PDILT: variants seen among roughly 807,000 people sequenced by gnomAD.
The protein encoded by PDILT is protein disulfide isomerase like, testis expressed, also known as protein disulfide-isomerase-like protein of the testis.
PDILT carries 43 observed loss-of-function variants against 53.7 expected under a neutral mutation model. The observed-to-expected ratio is 0.80, with a 90% CI of 0.63 to 1.03. The LOEUF is 1.03. Ranked by LOEUF, PDILT falls within the 50% of genes least tolerant of loss-of-function variation. PDILT has a pLI of 0.00. For missense variants in PDILT, 727 were observed against 712.3 expected, an observed-to-expected ratio of 1.02 and a Z score of -0.24; for synonymous variants, 282 against 274.2, an observed-to-expected ratio of 1.03 and a Z score of -0.28.
chr16:20,385,276 GTATTAT>G (rs1019702922), intron 2 of PDILT, among the ~76,000 whole-genome samples: 2 of 152,118 alleles, frequency 1.3e-5, no homozygotes, highest in Non-Finnish European at 2.9e-5. Flanking sequence ...TGTGGGATAG[GTATTAT>G]TATTATCTCA....
At position 20,362,547 on chromosome 16, in the gene PDILT, G is replaced by A. The variant is rs1226249606; in HGVS notation, c.1273C>T (p.Pro425Ser). 6.2e-7 allele frequency: 1 copy of A among 1,614,072 alleles called. No homozygotes were observed. The highest frequency in any genetic ancestry group is 1.7e-5 in the Admixed American group (1 of 59,994). Reference sequence around the variant, plus strand: ...TTTCTGCCCAATTCCTCCAACAGTGGGAACAGCATCTTGCACTTTTTAGAC... The same window carrying A: ...TTTCTGCCCAATTCCTCCAACAGTGAGAACAGCATCTTGCACTTTTTAGAC... ...PWSKKCKMLF[P>S]LLEELGRKYQ... Residue 425 changes from proline to serine, a missense_variant, in exon 10 of 12, where the codon CCA (proline) becomes TCA (serine). Physicochemically the swap from Pro to Ser is moderately conservative, Grantham distance 74. Transcript: ENST00000302451.
intron 3 of PDILT, among the ~76,000 whole-genome samples, chr16:20,380,816 G>T (rs1966451408): frequency 6.6e-6 from 1 of 152,240 alleles, no homozygotes; most frequent in Non-Finnish European, 1.5e-5. Flanking sequence ...AAGCTGGCTT[G>T]AGGAAACTTG....
At chr16:20,380,829 C>G (rs1233058633) in intron 3 of PDILT, among the ~76,000 whole-genome samples, 1 of 152,208 alleles carries the variant, frequency 6.6e-6, no homozygotes, top group Non-Finnish European at 1.5e-5. Context: ...GAAACTTGAT[C>G]TTGGGCCATC....
At chr16:20,375,074 G>A (rs1193828209) in intron 4 of PDILT, 115 bp from the exon 5 acceptor site, 10 of 1,204,850 alleles carry the variant, frequency 8.3e-6, no homozygotes, top group Non-Finnish European at 1.0e-5. Flanking sequence ...AAGTTCTGGG[G>A]TTTGCCTGGG....
chr16:20,384,887 T>A, intron 2 of PDILT, 36 bp from the exon 3 acceptor site: 1 of 1,588,210 alleles, frequency 6.3e-7, no homozygotes. Flanking sequence ...GAGAGGCCTT[T>A]CCTCGCTCCC....
intron 4 of PDILT, 134 bp downstream of exon 4, chr16:20,375,934 C>G: frequency 9.0e-7 from 1 of 1,115,282 alleles, no homozygotes; most frequent in Non-Finnish European, 1.3e-6. Context: ...ACCCTTGGAG[C>G]TTCCCCTAAA....
chr16:20,399,056 C>T (rs917949557), intron 2 of PDILT, 43 bp downstream of exon 2: 10 of 1,609,370 alleles, frequency 6.2e-6, no homozygotes, highest in Admixed American at 5.0e-5. Flanking sequence ...GGAGGCAGGC[C>T]TCATCCCATC....
chr16:20,362,603 C>T, intron 9 of PDILT, 21 bp from the exon 10 acceptor site: 5 of 1,612,574 alleles, frequency 3.1e-6, no homozygotes, highest in Non-Finnish European at 4.2e-6. Context: ...AGGTCCATGG[C>T]TCAGGCTCAC....
intron 10 of PDILT, 101 bp from the exon 11 acceptor site, chr16:20,360,758 C>T (rs573512628): frequency 2.4e-6 from 2 of 828,974 alleles, no homozygotes; most frequent in Admixed American, 1.8e-5. Flanking sequence ...CCTAACAACC[C>T]CGGGTATGTT....
At chr16:20,384,971 T>C (rs1966515173) in intron 2 of PDILT, 120 bp from the exon 3 acceptor site, 2 of 880,944 alleles carry the variant, frequency 2.3e-6, no homozygotes. Context: ...GGTTAATGGC[T>C]GAATTTTCAT....
intron 11 of PDILT, 85 bp downstream of exon 11, chr16:20,360,483 C>A: frequency 8.0e-7 from 1 of 1,242,238 alleles, no homozygotes; most frequent in East Asian, 2.3e-5. Flanking sequence ...TTATGGAACT[C>A]CAGCCATACT....
chr16:20,361,647 G>A (rs547421076), intron 10 of PDILT, among the ~76,000 whole-genome samples: 5 of 152,310 alleles, frequency 3.3e-5, no homozygotes, highest in Middle Eastern at 3.4e-3. Context: ...TGAGCAAAGA[G>A]TGGGTCACAG....
At position 20,399,252 on chromosome 16, in the gene PDILT, CAG is replaced by C. The variant is rs930163963; in HGVS notation, c.47_48del (p.Ser16CysfsTer9). On this transcript the variant is annotated frameshift_variant, in exon 2 of 12. Transcript: ENST00000302451. LOFTEE classifies it high-confidence loss of function. ...MPLLLVAACV[S>X]AVHSSPEVNA... ...TTAACCTCTGGTGAGCTGTGGACAG[CAG>C]AGACACAAGCGGCCACCAGCAGCAG... is the stretch of plus-strand genomic sequence containing the variant. 1.2e-6 allele frequency: 2 copies of C among 1,613,958 alleles called. No individual in the cohort carries two copies. The highest frequency in any genetic ancestry group is 1.7e-6 in the Non-Finnish European group (2 of 1,179,950).
rs768888051 is a variant in PDILT, at chr16:20,372,836, T to C, written c.884A>G (p.His295Arg). The C allele has an allele frequency of 1.2e-6, 2 of 1,614,098 alleles. No individual in the cohort carries two copies. The highest frequency in any genetic ancestry group is 1.7e-6 in the Non-Finnish European group (2 of 1,179,946). The change falls in exon 7 of 12, where the codon CAT (histidine) becomes CGT (arginine). Residue 295 changes from histidine (H) to arginine (R), a missense_variant. Physicochemically the swap from His to Arg is conservative, Grantham distance 29 (BLOSUM62 0). Transcript: ENST00000302451. ...GAATTCCTTTGATGCCAGCTTATAA[T>C]GCTGAATTATGATACCATATGACTC... Reference protein sequence around the residue: ...SSESYGIIIQHYKLASKEFQN... With the variant: ...SSESYGIIIQRYKLASKEFQN...
intron 3 of PDILT, among the ~76,000 whole-genome samples, chr16:20,380,066 C>T (rs892618145): frequency 8.5e-5 from 13 of 152,174 alleles, no homozygotes; most frequent in African/African-American, 3.1e-4. Flanking sequence ...ACAAAACCTG[C>T]CAAATGAATT....
At position 20,382,621 on chromosome 16, in the gene PDILT, G is replaced by C. The variant is rs145662126; in HGVS notation, c.409+2024C>G. Among the ~76,000 whole-genome samples, 10 of 152,320 alleles carry C rather than the reference G, an allele frequency of 6.6e-5. No individual in the cohort carries two copies. The East Asian group carries it at 1.4e-3, about 21-fold the overall frequency. ...CTGTAAAAGCACCTCTTATATTGGGGTGTTATGACATAGGAGAAGGGTCTA... is the reference window on the plus strand; with the variant it reads ...CTGTAAAAGCACCTCTTATATTGGGCTGTTATGACATAGGAGAAGGGTCTA... On this transcript the variant is annotated intron_variant, in intron 3 of 11. Transcript: ENST00000302451.
intron 2 of PDILT, among the ~76,000 whole-genome samples, chr16:20,392,269 G>A (rs180707400): frequency 2.1e-4 from 32 of 152,300 alleles, no homozygotes; most frequent in African/African-American, 7.5e-4. Context: ...GTGAAGGCAG[G>A]ACATAAGGAG....
rs752364490 is a variant in PDILT at position 20,384,695 on chromosome 16, T to C, written c.359A>G (p.Glu120Gly). The C allele has an allele frequency of 3.7e-6, 6 of 1,614,090 alleles. No individual in the cohort carries two copies. The Admixed American group carries it at 8.3e-5, about 22-fold the overall frequency. The change falls in exon 3 of 12, where the codon GAG (glutamate) becomes GGG (glycine). Residue 120 changes from glutamate (E) to glycine (G), a missense_variant. Glu to Gly is a moderately conservative substitution (Grantham distance 98). Transcript: ENST00000302451. ...GTTGCCCTCAAAAAACAGCTTCAACTCCGGGGCCTTGGTAATCCCAAACTC... is the reference window on the plus strand; with the variant it reads ...GTTGCCCTCAAAAAACAGCTTCAACCCCGGGGCCTTGGTAATCCCAAACTC... ...QQEFGITKAP[E>G]LKLFFEGNRS...
At chr16:20,389,236 G>C (rs1567329594) in intron 2 of PDILT, among the ~76,000 whole-genome samples, 1 of 152,074 alleles carries the variant, frequency 6.6e-6, no homozygotes, top group Non-Finnish European at 1.5e-5. Context: ...TCATCAAAAA[G>C]AGGCAGTTAT....
Sources: gnomAD v4.1 joint callset for allele counts (sites outside exome capture counted in the v4.1 genomes callset) on GRCh38, gnomAD v4.1.1 for gene constraint, MANE v1.5 for transcripts, NCBI Gene and HGNC (gene_info 2026-07-23, HGNC 2026-07-21) for gene names.